Variants in THRB observed in about 807,000 individuals in gnomAD.
The protein encoded by THRB is nuclear receptor subfamily 1 group A member 2.
Under a neutral mutation model 47.8 loss-of-function variants are expected in THRB, and 12 were observed. The ratio of observed to expected loss-of-function variants is 0.25; its 90% CI spans 0.16 to 0.41. THRB has a LOEUF of 0.41. Ranked by LOEUF, THRB falls within the 10% of genes least tolerant of loss-of-function variation. The pLI, the probability that THRB is intolerant of heterozygous loss-of-function variation, is 1.00. For synonymous variants in THRB, 218 were observed against 212.2 expected (o/e 1.03, Z -0.24); for missense variants, 348 against 589.2 (o/e 0.59, Z 4.24).
Position 24,247,091 on chromosome 3 carries a change from C to T in THRB, c.-42-18090G>A, listed in dbSNP as rs368234239. Among the ~76,000 whole-genome samples, 232 of 152,290 alleles carry T rather than the reference C, an allele frequency of 1.5e-3. 1 individual carries two copies. The highest frequency in any genetic ancestry group is 7.5e-3 in the South Asian group (36 of 4,828). ...CATGGCAAAGGCCAACTAGACAAAA[C>T]GTGGCTCTTGGCTTTGAGTAGAAAT... On this transcript the variant is annotated intron_variant, in intron 3 of 10. Transcript: ENST00000646209.
chr3:24,177,450 G>T (rs577358281), intron 5 of THRB, among the ~76,000 whole-genome samples: 1 of 152,116 alleles, frequency 6.6e-6, no homozygotes, highest in African/African-American at 2.4e-5. Context: ...TGGACACACA[G>T]AACACACTCA....
In THRB at chr3:24,155,059, A is replaced by T. The variant is rs573380207; in HGVS notation, c.284-2569T>A. Among the ~76,000 whole-genome samples the T allele has an allele frequency of 5.3e-4, 80 of 152,336 alleles. 1 individual carries two copies. Among genetic ancestry groups the T allele is most frequent in the Admixed American group, 5.9e-4 (9 of 15,306 alleles). ...TCATACTACCCCAGCCTGTCTCATG[A>T]GACCTGCTGGCTTTATCTTTTGGCA... On this transcript the variant is annotated intron_variant, in intron 5 of 10. Coordinates refer to ENST00000646209, the MANE Select transcript of THRB (RefSeq NM_001354712.2).
chr3:24,123,412 AG>A (rs1208302837), intron 10 of THRB, among the ~76,000 whole-genome samples: 1 of 152,150 alleles, frequency 6.6e-6, no homozygotes, highest in Non-Finnish European at 1.5e-5. Flanking sequence ...CCTCCCTCCT[AG>A]GGTACAGAAG....
intron 1 of THRB, among the ~76,000 whole-genome samples, chr3:24,362,734 G>GAGAT (rs1383325681): frequency 1.3e-5 from 2 of 152,194 alleles, no homozygotes; most frequent in African/African-American, 4.8e-5. Context: ...ACAACCATAA[G>GAGAT]AGATAGGTGC....
At chr3:24,266,957 GAGA>G (rs2052727212) in intron 3 of THRB, among the ~76,000 whole-genome samples, 1 of 151,990 alleles carries the variant, frequency 6.6e-6, no homozygotes, top group Admixed American at 6.6e-5. Context: ...GAGAAAAAGA[GAGA>G]AGAAATAGAA....
At chr3:24,423,600 A>G (rs1218159993) in intron 1 of THRB, among the ~76,000 whole-genome samples, 1 of 151,856 alleles carries the variant, frequency 6.6e-6, no homozygotes. Flanking sequence ...GCCACTGTTC[A>G]TTTATGTGTC....
chr3:24,492,835 T>C (rs1487264044), intron 1 of THRB, among the ~76,000 whole-genome samples: 4 of 152,246 alleles, frequency 2.6e-5, no homozygotes. Context: ...AAGTATACCT[T>C]TGCATTGTAA....
chr3:24,158,919 T>C (rs1177597682), intron 5 of THRB, among the ~76,000 whole-genome samples: 1 of 152,002 alleles, frequency 6.6e-6, no homozygotes, highest in Non-Finnish European at 1.5e-5. Context: ...ATTGATGAGA[T>C]CATTTCCTGT....
At chr3:24,347,070 A>T (rs2063065642) in intron 1 of THRB, among the ~76,000 whole-genome samples, 1 of 152,080 alleles carries the variant, frequency 6.6e-6, no homozygotes, top group African/African-American at 2.4e-5. Flanking sequence ...CAGCATAATT[A>T]AACAGAAATC....
At chr3:24,235,065 CA>C (rs1477419948) in intron 3 of THRB, among the ~76,000 whole-genome samples, 1 of 152,214 alleles carries the variant, frequency 6.6e-6, no homozygotes, top group Admixed American at 6.5e-5. Context: ...CCTTTGGTGG[CA>C]CCTCTTTGAG....
intron 10 of THRB, among the ~76,000 whole-genome samples, chr3:24,125,210 G>A (rs2032511926): frequency 6.6e-6 from 1 of 152,146 alleles, no homozygotes; most frequent in South Asian, 2.1e-4. Flanking sequence ...TAGATGCATG[G>A]CAAAAGCCTT....
chr3:24,460,504 C>T (rs1290634612), intron 1 of THRB, among the ~76,000 whole-genome samples: 3 of 152,134 alleles, frequency 2.0e-5, no homozygotes, highest in Non-Finnish European at 4.4e-5. Context: ...CATGTTTGTA[C>T]AGACTAATAT....
chr3:24,299,249 T>TA (rs36061929), intron 2 of THRB, among the ~76,000 whole-genome samples: 15,935 of 70,142 alleles, frequency 0.23, 1,909 homozygotes, highest in African/African-American at 0.29. Flanking sequence ...CTCAGTCTCA[T>TA]AAAAAAAAAA....
At chr3:24,358,568 A>G (rs1183782416) in intron 1 of THRB, among the ~76,000 whole-genome samples, 1 of 152,142 alleles carries the variant, frequency 6.6e-6, no homozygotes, top group Non-Finnish European at 1.5e-5. Context: ...TTTATCATAT[A>G]CCAAATTCTC....
chr3:24,438,422 C>A (rs570826436), intron 1 of THRB, among the ~76,000 whole-genome samples: 2 of 152,052 alleles, frequency 1.3e-5, no homozygotes, highest in Non-Finnish European at 2.9e-5. Context: ...GCCCCTAGAA[C>A]ACTGTTGCTA....
chr3:24,294,216 C>T (rs1197728550), intron 3 of THRB, among the ~76,000 whole-genome samples: 4 of 152,194 alleles, frequency 2.6e-5, no homozygotes, highest in African/African-American at 2.4e-5. Flanking sequence ...GCTAGCTAAA[C>T]GGAGAGACCA....
chr3:24,241,225 G>T (rs954676121), intron 3 of THRB, among the ~76,000 whole-genome samples: 1 of 151,570 alleles, frequency 6.6e-6, no homozygotes, highest in Non-Finnish European at 1.5e-5. Context: ...ACAGGATGCA[G>T]AAAAAGCATT....
At chr3:24,137,547 A>G (rs888928251) in intron 8 of THRB, among the ~76,000 whole-genome samples, 2 of 152,182 alleles carry the variant, frequency 1.3e-5, no homozygotes, top group African/African-American at 4.8e-5. Flanking sequence ...CCTTAGGGCC[A>G]GAGGAAGAAC....
chr3:24,287,766 G>T (rs570476784), intron 3 of THRB, among the ~76,000 whole-genome samples: 3 of 152,294 alleles, frequency 2.0e-5, no homozygotes, highest in African/African-American at 7.2e-5. Flanking sequence ...TGCATTGTAG[G>T]AACACAATTC....
Sources: gnomAD v4.1 joint callset for allele counts (sites outside exome capture counted in the v4.1 genomes callset) on GRCh38, gnomAD v4.1.1 for gene constraint, MANE v1.5 for transcripts, NCBI Gene and HGNC (gene_info 2026-07-23, HGNC 2026-07-21) for gene names.